SPAG17: variants seen among roughly 807,000 people sequenced by gnomAD.
SPAG17 encodes the protein sperm associated antigen 17, also known as sperm-associated antigen 17.
Under a neutral mutation model 273.6 loss-of-function variants are expected in SPAG17, and 169 were observed. That is an observed-to-expected ratio of 0.62 (90% CI 0.55 to 0.70). The LOEUF (loss-of-function observed/expected upper bound fraction) is 0.70. SPAG17 is among the 30% of genes least tolerant of loss of function. The pLI is 0.00. For synonymous variants in SPAG17, 825 were observed against 873.2 expected (o/e 0.94, Z 0.97); for missense variants, 2,557 against 2,627.8 (o/e 0.97, Z 0.59).
chr1:118,005,529 C>T lies in SPAG17; in HGVS notation c.4661G>A (p.Ser1554Asn). 6.2e-7 allele frequency: 1 copy of T among 1,612,060 alleles called. No homozygotes were observed. The change falls in exon 32 of 49, where the codon AGT (serine) becomes AAT (asparagine). Residue 1554 changes from serine to asparagine, a missense_variant. By Grantham distance (46) the Ser-to-Asn change is conservative. Coordinates refer to ENST00000336338, the MANE Select transcript of SPAG17 (RefSeq NM_206996.4). Reference protein sequence around the residue: ...CSAVYCHESSSNIYYPFQKRE... With the variant: ...CSAVYCHESSNNIYYPFQKRE... ...CTTTTGAAAAGGATAGTATATATTA[C>T]TGCTTGACTCATGGCAGTACACAGC...
intron 10 of SPAG17, chr1:118,087,274 A>C: frequency 3.5e-6 from 1 of 286,648 alleles, no homozygotes; most frequent in Non-Finnish European, 6.3e-6. Flanking sequence ...TTTTTGATAA[A>C]AATATTTCAT....
chr1:117,995,017 G>A lies in SPAG17; in HGVS notation c.5054-487C>T, dbSNP rs114200424. The stretch of plus-strand genomic sequence containing the variant: ...TCACATCGCTCATGAGATAAAAGAT[G>A]GTCCTTAACATTCTTTTGCCTCTAC... On this transcript the variant is annotated intron_variant, in intron 34 of 48. Transcript: ENST00000336338. Among the ~76,000 whole-genome samples the A allele has an allele frequency of 3.0e-3, 461 of 152,128 alleles. 2 individuals are homozygous for A. The highest frequency in any genetic ancestry group is 0.01 in the African/African-American group (427 of 41,504).
chr1:118,137,206 T>C (rs1189949287), intron 3 of SPAG17, among the ~76,000 whole-genome samples: 2 of 152,236 alleles, frequency 1.3e-5, no homozygotes, highest in Non-Finnish European at 2.9e-5. Context: ...CTGTTCTGGC[T>C]TCTCTGCAAC....
rs575183910 is a variant in SPAG17 at position 118,108,764 on chromosome 1, C to T, written c.447+6546G>A. ...CATCTAGATGCCTCCTACTGTGAGACGGCTTTGGATAGGCACAGAGATTTC... is the reference window on the plus strand; with the variant it reads ...CATCTAGATGCCTCCTACTGTGAGATGGCTTTGGATAGGCACAGAGATTTC... On this transcript the variant is annotated intron_variant, in intron 4 of 48. Transcript: ENST00000336338. Among the ~76,000 whole-genome samples the T allele has an allele frequency of 4.6e-5, 7 of 151,374 alleles. No individual in the cohort carries two copies. In the South Asian group the frequency reaches 1.0e-3, roughly 23 times the overall value.
At chr1:118,053,658 T>C (rs1651319678) in intron 20 of SPAG17, among the ~76,000 whole-genome samples, 1 of 151,958 alleles carries the variant, frequency 6.6e-6, no homozygotes, top group Non-Finnish European at 1.5e-5. Context: ...AAAAATATTC[T>C]AAGAGAATGC....
intron 48 of SPAG17, among the ~76,000 whole-genome samples, chr1:117,957,605 GC>G (rs1557830290): frequency 2.6e-5 from 4 of 152,140 alleles, no homozygotes; most frequent in African/African-American, 9.6e-5. Context: ...CCAGCCTGTG[GC>G]CCGCAGGCCA....
In SPAG17 at chr1:118,016,176, CT is replaced by C; in HGVS notation, c.4075del (p.Ser1359ValfsTer25). 6.2e-7 allele frequency: 1 copy of C among 1,612,200 alleles called. No homozygotes were observed. Among genetic ancestry groups the C allele is most frequent in the Non-Finnish European group, 8.5e-7 (1 of 1,178,672 alleles). On this transcript the variant is annotated frameshift_variant, in exon 29 of 49. Coordinates refer to ENST00000336338, the MANE Select transcript of SPAG17 (RefSeq NM_206996.4). LOFTEE classifies it high-confidence loss of function. ...SEITNTKKGK[S>X]HKSQSSMAHK... is the part of the protein sequence containing the mutation. The stretch of plus-strand genomic sequence containing the variant: ...GGCCATTGATGACTGACTTTTGTGA[CT>C]TTTTCCTGTGAAGTTCAAGTAAAAT...
chr1:118,175,484 T>C (rs1206309700), intron 1 of SPAG17, among the ~76,000 whole-genome samples: 1 of 142,834 alleles, frequency 7.0e-6, no homozygotes, highest in Non-Finnish European at 1.5e-5. Context: ...AAGAAGCAAA[T>C]AACATATAAG....
chr1:118,154,449 A>G (rs1206611367), intron 1 of SPAG17, among the ~76,000 whole-genome samples: 1 of 152,186 alleles, frequency 6.6e-6, no homozygotes, highest in African/African-American at 2.4e-5. Context: ...CAAATGTGCA[A>G]TATTCAACTA....
intron 48 of SPAG17, chr1:117,959,554 T>A: frequency 8.2e-7 from 1 of 1,217,808 alleles, no homozygotes. Context: ...TAACAGAAGA[T>A]CGCATTGCAG....
intron 28 of SPAG17, among the ~76,000 whole-genome samples, chr1:118,022,555 T>C (rs535977151): frequency 1.3e-5 from 2 of 152,150 alleles, no homozygotes; most frequent in African/African-American, 2.4e-5. Flanking sequence ...ATATCTGGCA[T>C]TGGTGAGGGT....
intron 3 of SPAG17, among the ~76,000 whole-genome samples, chr1:118,146,737 TATAGGTTTACCTTTGGTTAA>T (rs1239774190): frequency 6.6e-6 from 1 of 152,202 alleles, no homozygotes; most frequent in Non-Finnish European, 1.5e-5. Context: ...AACTTGGTGC[TATAGGTTTACCTTTGGTTAA>T]ATCCAAATTC....
At chr1:118,092,047 G>A in intron 8 of SPAG17, 45 bp from the exon 9 acceptor site, 3 of 1,521,226 alleles carry the variant, frequency 2.0e-6, no homozygotes, top group South Asian at 1.1e-5. Context: ...ATACCCAGCT[G>A]AGAGATGCCC....
chr1:118,039,201 G>C, intron 23 of SPAG17, 91 bp downstream of exon 23: 2 of 1,369,708 alleles, frequency 1.5e-6, no homozygotes, highest in Non-Finnish European at 2.0e-6. Context: ...TTGAGAAAAA[G>C]AACATGCAAT....
At chr1:118,168,793 A>C (rs1660289152) in intron 1 of SPAG17, among the ~76,000 whole-genome samples, 1 of 152,200 alleles carries the variant, frequency 6.6e-6, no homozygotes, top group Non-Finnish European at 1.5e-5. Context: ...GTGTGAACTG[A>C]ATTTCTTTCT....
At chr1:118,063,921 C>T (rs1304904382) in intron 18 of SPAG17, among the ~76,000 whole-genome samples, 12 of 152,024 alleles carry the variant, frequency 7.9e-5, no homozygotes, top group African/African-American at 1.9e-4. Flanking sequence ...AAAAAGTGGG[C>T]GAAGGATATG....
chr1:118,026,667 T>C (rs1011930190), intron 26 of SPAG17, among the ~76,000 whole-genome samples: 3 of 152,142 alleles, frequency 2.0e-5, no homozygotes, highest in Non-Finnish European at 2.9e-5. Context: ...AGTTATAACT[T>C]TGGAAGACAC....
intron 48 of SPAG17, among the ~76,000 whole-genome samples, chr1:117,955,703 G>A (rs1042444845): frequency 1.2e-4 from 18 of 151,116 alleles, no homozygotes; most frequent in African/African-American, 4.1e-4. Context: ...ATTATATAAA[G>A]TTTTATATTC....
chr1:118,056,024 T>G (rs1333525081), intron 18 of SPAG17, 110 bp from the exon 19 acceptor site: 3 of 821,806 alleles, frequency 3.7e-6, no homozygotes, highest in Non-Finnish European at 5.6e-6. Context: ...TATAATGAGT[T>G]TGAATACATC....
Sources: gnomAD v4.1 joint callset for allele counts (sites outside exome capture counted in the v4.1 genomes callset) on GRCh38, gnomAD v4.1.1 for gene constraint, MANE v1.5 for transcripts, NCBI Gene and HGNC (gene_info 2026-07-23, HGNC 2026-07-21) for gene names.